COMMD1: variants seen among roughly 807,000 people sequenced by gnomAD.
The protein encoded by COMMD1 is COMM domain-containing protein 1.
A neutral mutation model predicts 17.2 loss-of-function variants in COMMD1; 10 were observed. The ratio of observed to expected loss-of-function variants is 0.58; its 90% CI spans 0.36 to 0.99. The LOEUF is 0.99. COMMD1 is among the 50% of genes least tolerant of loss of function. The pLI, the probability that COMMD1 is intolerant of heterozygous loss-of-function variation, is 0.01. For synonymous variants in COMMD1, 97 were observed against 91.6 expected (o/e 1.06, Z -0.34); for missense variants, 270 against 231.8 (o/e 1.17, Z -1.07).
intron 2 of COMMD1, among the ~76,000 whole-genome samples, chr2:62,091,169 G>T (rs1348418807): frequency 6.6e-6 from 1 of 152,184 alleles, no homozygotes; most frequent in African/African-American, 2.4e-5. Flanking sequence ...GGGTTTGGAA[G>T]TATGTTTTCA....
chr2:61,902,395 A>C (rs1267615047), upstream of COMMD1, among the ~76,000 whole-genome samples: 2 of 151,874 alleles, frequency 1.3e-5, no homozygotes, highest in Admixed American at 1.3e-4. Flanking sequence ...AGTCCCAGCT[A>C]CTTGGGAGCC....
intron 1 of COMMD1, among the ~76,000 whole-genome samples, chr2:61,890,206 G>T (rs547693780): frequency 4.6e-5 from 7 of 152,052 alleles, no homozygotes; most frequent in Non-Finnish European, 1.0e-4. Context: ...GGTGGTGGTG[G>T]TGTTGTTTGT....
intron 1 of COMMD1, chr2:61,968,945 C>CT (rs57247770): frequency 0.089 from 18,993 of 213,720 alleles, 1,732 homozygotes; most frequent in African/African-American, 0.29. Context: ...TTTATTTAGT[C>CT]TTTTTTTTTT....
intron 1 of COMMD1, among the ~76,000 whole-genome samples, chr2:61,984,023 G>T (rs1022996380): frequency 2.0e-5 from 3 of 152,032 alleles, no homozygotes; most frequent in African/African-American, 7.2e-5. Flanking sequence ...GTTTTGGTTT[G>T]TTGTTGTTGC....
At chr2:62,104,284 G>A (rs1338186544) in intron 2 of COMMD1, among the ~76,000 whole-genome samples, 2 of 152,126 alleles carry the variant, frequency 1.3e-5, no homozygotes, top group Non-Finnish European at 2.9e-5. Flanking sequence ...TTGAGGCCAG[G>A]AGCTCACAGT....
intron 2 of COMMD1, among the ~76,000 whole-genome samples, chr2:62,064,204 T>A (rs774628969): frequency 1.3e-5 from 2 of 152,094 alleles, no homozygotes; most frequent in Non-Finnish European, 2.9e-5. Flanking sequence ...AGACAGAGTT[T>A]CACTCTGTCG....
chr2:61,975,333 G>A (rs1046596949), intron 1 of COMMD1, among the ~76,000 whole-genome samples: 5 of 151,938 alleles, frequency 3.3e-5, no homozygotes, highest in Non-Finnish European at 7.4e-5. Flanking sequence ...AACCACATAC[G>A]TGTTTTTGTG....
intron 2 of COMMD1, among the ~76,000 whole-genome samples, chr2:62,103,501 A>C (rs1209156894): frequency 6.6e-6 from 1 of 152,192 alleles, no homozygotes; most frequent in Non-Finnish European, 1.5e-5. Flanking sequence ...CAGTATGTAC[A>C]TCTCTTCCAC....
chr2:61,960,740 C>T lies in COMMD1; in HGVS notation c.181-39961C>T, dbSNP rs899839429. On this transcript the variant is annotated intron_variant, in intron 1 of 2. Coordinates refer to ENST00000311832, the MANE Select transcript of COMMD1 (RefSeq NM_152516.4). ...ACCCTAATTGCTCTGCAATTCCTTT[C>T]TTTCCCCCTCGGGAGGTAACCTTCC... is the stretch of plus-strand genomic sequence containing the variant. Among the ~76,000 whole-genome samples, 3 of 152,230 alleles carry T rather than the reference C, an allele frequency of 2.0e-5. No individual in the cohort carries two copies. The South Asian group carries it at 6.2e-4, about 32-fold the overall frequency.
rs530867694 is a variant in COMMD1, at chr2:62,065,480, C to T, written c.462+64498C>T. Among the ~76,000 whole-genome samples, 28 of 151,602 alleles carry T rather than the reference C, an allele frequency of 1.8e-4. No individual in the cohort carries two copies. In the East Asian group the frequency reaches 5.1e-3, roughly 27 times the overall value. On this transcript the variant is annotated intron_variant, in intron 2 of 2. Coordinates refer to ENST00000311832, the MANE Select transcript of COMMD1 (RefSeq NM_152516.4). The stretch of plus-strand genomic sequence containing the variant: ...CTGGAACAACAGCCATGCACCACCA[C>T]ACCTGACTACTTTTTTTATGTGTGT...
At chr2:61,910,982 C>T (rs1292026400) in intron 1 of COMMD1, among the ~76,000 whole-genome samples, 4 of 151,498 alleles carry the variant, frequency 2.6e-5, no homozygotes, top group Non-Finnish European at 5.9e-5. Context: ...ACTCGAGAGG[C>T]TGGGGTGGGA....
At chr2:61,911,096 A>AT (rs1409518876) in intron 1 of COMMD1, among the ~76,000 whole-genome samples, 33 of 146,800 alleles carry the variant, frequency 2.2e-4, no homozygotes, top group East Asian at 1.0e-3. Context: ...AAAAAAAAAA[A>AT]TTTTTTTTTT....
At chr2:61,889,789 T>C (rs573117384) in intron 1 of COMMD1, among the ~76,000 whole-genome samples, 9 of 152,292 alleles carry the variant, frequency 5.9e-5, no homozygotes, top group South Asian at 2.1e-4. Context: ...CACTAGTGTC[T>C]CCTGCATGAC....
chr2:62,123,868 A>T (rs950659326), intron 2 of COMMD1, among the ~76,000 whole-genome samples: 14 of 152,066 alleles, frequency 9.2e-5, no homozygotes, highest in Admixed American at 5.2e-4. Context: ...GGGAGTATTT[A>T]TGTGTTTAAA....
chr2:62,038,201 T>A (rs561111577), intron 2 of COMMD1, among the ~76,000 whole-genome samples: 1 of 152,194 alleles, frequency 6.6e-6, no homozygotes, highest in African/African-American at 2.4e-5. Flanking sequence ...GGCAGGAGAA[T>A]TGCTTGAATC....
chr2:62,059,600 T>C (rs1670800848), intron 2 of COMMD1, among the ~76,000 whole-genome samples: 1 of 152,194 alleles, frequency 6.6e-6, no homozygotes, highest in Non-Finnish European at 1.5e-5. Flanking sequence ...CTAAGTTGCC[T>C]GGCTGGAGTG....
chr2:62,085,287 T>G (rs1245491735), intron 2 of COMMD1, among the ~76,000 whole-genome samples: 2 of 151,478 alleles, frequency 1.3e-5, no homozygotes, highest in Non-Finnish European at 2.9e-5. Context: ...GCGCGATCTC[T>G]GCTCACTGTA....
chr2:62,052,928 G>T (rs1054875711), intron 2 of COMMD1, among the ~76,000 whole-genome samples: 7 of 152,116 alleles, frequency 4.6e-5, no homozygotes, highest in Non-Finnish European at 7.4e-5. Flanking sequence ...AGTTAACTGG[G>T]TGTGGTGGCA....
At chr2:62,042,361 A>G (rs931877180) in intron 2 of COMMD1, among the ~76,000 whole-genome samples, 2 of 152,172 alleles carry the variant, frequency 1.3e-5, no homozygotes, top group Non-Finnish European at 2.9e-5. Context: ...TTCTTTAGCT[A>G]GACAGAAAAG....
Sources: gnomAD v4.1 joint callset for allele counts (sites outside exome capture counted in the v4.1 genomes callset) on GRCh38, gnomAD v4.1.1 for gene constraint, MANE v1.5 for transcripts, NCBI Gene and HGNC (gene_info 2026-07-23, HGNC 2026-07-21) for gene names.